CALU: variants seen among roughly 807,000 people sequenced by gnomAD.
CALU encodes IEF SSP 9302.
CALU carries 13 observed loss-of-function variants against 37.5 expected under a neutral mutation model. That is an observed-to-expected ratio of 0.35 (90% CI 0.23 to 0.55). CALU has a LOEUF of 0.55. Ranked by LOEUF, CALU falls within the 20% of genes least tolerant of loss-of-function variation. The probability of loss-of-function intolerance (pLI) is 0.89; values close to 1 mark genes in which losing one functional copy is unlikely to be tolerated. For synonymous variants in CALU, 114 were observed against 133.8 expected, an observed-to-expected ratio of 0.85 and a Z score of 1.02; for missense variants, 282 against 391.7, an observed-to-expected ratio of 0.72 and a Z score of 2.36.
At chr7:128,744,893 A>G (rs1352707260) in intron 1 of CALU, among the ~76,000 whole-genome samples, 2 of 152,106 alleles carry the variant, frequency 1.3e-5, no homozygotes, top group Admixed American at 6.6e-5. Context: ...CTTGGCTTCT[A>G]CTCTTTGGAA....
chr7:128,753,856 C>G (rs1209210258), intron 2 of CALU, among the ~76,000 whole-genome samples: 1 of 152,080 alleles, frequency 6.6e-6, no homozygotes, highest in Non-Finnish European at 1.5e-5. Context: ...AGTTTCTCTT[C>G]TGTAAGCAAT....
In CALU at chr7:128,772,073, TTG is replaced by T. The variant is rs535320358; in HGVS notation, c.*2908_*2909del. ...CACTGAGTTTTTTTTGTTTTTTTTT[TTG>T]TTTTGTTTTGTTTTTTCTTTATGTC... On this transcript the variant is annotated 3_prime_UTR_variant, in exon 7 of 7. Transcript: ENST00000249364. Among the ~76,000 whole-genome samples, 10,296 of 77,884 alleles carry T rather than the reference TTG, an allele frequency of 0.13. 289 individuals carry two copies. The highest frequency in any genetic ancestry group is 0.15 in the Non-Finnish European group (4,495 of 29,616). The allele number at this position is 77,884 out of a possible 152,430, so 51.1% of individuals were successfully genotyped here.
chr7:128,767,440 A>G lies in CALU; in HGVS notation c.644-16A>G, dbSNP rs1562882753. On this transcript the variant is annotated splice_polypyrimidine_tract_variant and intron_variant, in intron 5 of 6. Coordinates refer to ENST00000249364, the MANE Select transcript of CALU (RefSeq NM_001219.5). The stretch of plus-strand genomic sequence containing the variant: ...AAAGACAAACCCTTCTTTTGTATGT[A>G]TGTCTGTGTACCCAGGTGACATGTA... 8 of 1,591,700 alleles carry G rather than the reference A, an allele frequency of 5.0e-6. No individual in the cohort carries two copies. Among genetic ancestry groups the G allele is most frequent in the Non-Finnish European group, 6.0e-6 (7 of 1,159,484 alleles).
intron 2 of CALU, among the ~76,000 whole-genome samples, chr7:128,749,149 ACTAT>A (rs890386278): frequency 4.6e-5 from 7 of 152,222 alleles, no homozygotes; most frequent in Admixed American, 1.3e-4. Flanking sequence ...ATTTTTAAAA[ACTAT>A]CTGTGCCCTA....
Position 128,772,071 on chromosome 7 carries a change from TTTTG to T in CALU, c.*2908_*2911del, listed in dbSNP as rs1185853271. 4.9e-5 allele frequency among the ~76,000 whole-genome samples: 4 copies of T among 81,668 alleles called. No individual in the cohort carries two copies. The highest frequency in any genetic ancestry group is 6.4e-4 in the South Asian group (2 of 3,126). 53.6% of individuals were successfully genotyped at this position (81,668 alleles called of 152,430 possible). A position where few individuals can be genotyped will look rare whatever the true frequency, so the allele number is the denominator to read the frequency against. On this transcript the variant is annotated 3_prime_UTR_variant, in exon 7 of 7. Transcript: ENST00000249364. ...GCCACTGAGTTTTTTTTGTTTTTTTTTTTGTTTTGTTTTGTTTTTTCTTTATGTC... is the reference window on the plus strand; with the variant it reads ...GCCACTGAGTTTTTTTTGTTTTTTTTTTTTGTTTTGTTTTTTCTTTATGTC...
chr7:128,766,317 GT>G (rs35257415), intron 5 of CALU, among the ~76,000 whole-genome samples: 72 of 142,128 alleles, frequency 5.1e-4, no homozygotes, highest in East Asian at 2.9e-3. Context: ...ATTTTTCAAG[GT>G]TTTTTTTTTT....
intron 2 of CALU, among the ~76,000 whole-genome samples, chr7:128,750,607 A>G (rs1800633668): frequency 6.6e-6 from 1 of 152,232 alleles, no homozygotes. Context: ...GTTGGTAATG[A>G]CAAATATCCC....
At chr7:128,759,753 G>A (rs1236853673) in intron 4 of CALU, 39 bp from the exon 5 acceptor site, 2 of 996,162 alleles carry the variant, frequency 2.0e-6, no homozygotes, top group Admixed American at 3.5e-5. Context: ...CAAATTCAGA[G>A]ACCAACTTAA....
chr7:128,762,817 C>G (rs1801174642), intron 5 of CALU, among the ~76,000 whole-genome samples: 1 of 152,018 alleles, frequency 6.6e-6, no homozygotes, highest in South Asian at 2.1e-4. Context: ...CAGGCATGCA[C>G]CACCACACCT....
intron 5 of CALU, among the ~76,000 whole-genome samples, chr7:128,761,799 G>A (rs1562879819): frequency 6.6e-6 from 1 of 152,148 alleles, no homozygotes; most frequent in African/African-American, 2.4e-5. Flanking sequence ...TACCTGAAAT[G>A]TTTATTTGAA....
intron 1 of CALU, among the ~76,000 whole-genome samples, chr7:128,742,479 T>C (rs1800276203): frequency 1.3e-5 from 2 of 152,234 alleles, no homozygotes; most frequent in Non-Finnish European, 2.9e-5. Flanking sequence ...GATCACTCAG[T>C]GTTAACGTTC....
chr7:128,762,081 A>G (rs1043248448), intron 5 of CALU, among the ~76,000 whole-genome samples: 11 of 151,574 alleles, frequency 7.3e-5, no homozygotes, highest in African/African-American at 2.4e-4. Flanking sequence ...AGGACAGTGG[A>G]TAAGTGCCTA....
In CALU at chr7:128,767,736, T is replaced by G. The variant is rs947008566; in HGVS notation, c.843+81T>G. 5.1e-6 allele frequency: 6 copies of G among 1,173,336 alleles called. No individual in the cohort carries two copies. The African/African-American group carries it at 9.1e-5, about 18-fold the overall frequency. The allele number at this position is 1,173,336 out of a possible 1,614,324, so 72.7% of individuals were successfully genotyped here. On this transcript the variant is annotated intron_variant, in intron 6 of 6. Coordinates refer to ENST00000249364, the MANE Select transcript of CALU (RefSeq NM_001219.5). ...ATCACCTGAACAGTTTCTGTTAAGG[T>G]GCATAGAGCATTTAAGGTCTTAATT...
chr7:128,751,765 T>G (rs1441828909), intron 2 of CALU, among the ~76,000 whole-genome samples: 2 of 152,176 alleles, frequency 1.3e-5, no homozygotes, highest in Non-Finnish European at 2.9e-5. Context: ...TTTTGCACAC[T>G]GAAAATTTCA....
chr7:128,751,218 G>A (rs1800658561), intron 2 of CALU, among the ~76,000 whole-genome samples: 2 of 150,660 alleles, frequency 1.3e-5, no homozygotes, highest in African/African-American at 2.5e-5. Context: ...AACCTGGGAG[G>A]CAGAGGTTGC....
intron 2 of CALU, among the ~76,000 whole-genome samples, chr7:128,752,094 G>A (rs1800696657): frequency 6.6e-6 from 1 of 152,000 alleles, no homozygotes; most frequent in Non-Finnish European, 1.5e-5. Context: ...TGCAGGCTTG[G>A]TGCTCAGCAA....
chr7:128,750,295 G>A (rs1563128752), intron 2 of CALU, among the ~76,000 whole-genome samples: 2 of 149,444 alleles, frequency 1.3e-5, no homozygotes, highest in Non-Finnish European at 3.0e-5. Context: ...CATTAATATT[G>A]TGCACGTCCA....
intron 1 of CALU, chr7:128,748,288 G>T: frequency 2.8e-6 from 3 of 1,056,044 alleles, no homozygotes; most frequent in South Asian, 1.5e-5. Flanking sequence ...ATTCTACTTT[G>T]GTATCTTTTG....
At chr7:128,764,728 CTT>C (rs892130255) in intron 5 of CALU, among the ~76,000 whole-genome samples, 224 of 142,266 alleles carry the variant, frequency 1.6e-3, no homozygotes, top group African/African-American at 5.5e-3. Context: ...TTCTTTGGTA[CTT>C]TTTTTTTTTT....
Sources: allele counts gnomAD v4.1 joint callset (sites outside exome capture counted in the v4.1 genomes callset), GRCh38; gene constraint gnomAD v4.1.1; transcripts MANE v1.5; gene names NCBI Gene and HGNC (gene_info 2026-07-23, HGNC 2026-07-21).